DHRSX: variants seen among roughly 807,000 people sequenced by gnomAD.
The protein encoded by DHRSX is polyprenol dehydrogenase.
DHRSX carries 31 observed loss-of-function variants against 34.0 expected under a neutral mutation model. The observed-to-expected ratio is 0.91, with a 90% CI of 0.69 to 1.23. DHRSX has a LOEUF of 1.23. Ranked by LOEUF, DHRSX falls within the 50% of genes most tolerant of loss-of-function variation. The probability of loss-of-function intolerance (pLI) is 0.00; values close to 1 mark genes in which losing one functional copy is unlikely to be tolerated. For missense variants in DHRSX, 414 were observed against 428.1 expected (o/e 0.97, Z 0.29); for synonymous variants, 201 against 183.8 (o/e 1.09, Z -0.76).
At chrX:2,339,176 G>C (rs2042609068) in intron 3 of DHRSX, among the ~76,000 whole-genome samples, 2 of 151,802 alleles carry the variant, frequency 1.3e-5, no homozygotes, top group African/African-American at 4.8e-5. Context: ...CGCTCTGTCA[G>C]CCAGGCTGGA....
chrX:2,246,750 A>AAGAAAG (rs1204935283), intron 5 of DHRSX, among the ~76,000 whole-genome samples: 11 of 108,362 alleles, frequency 1.0e-4, no homozygotes, highest in Admixed American at 2.9e-4. Flanking sequence ...GAAAGAAAGA[A>AAGAAAG]AAAGAAAGAA....
Position 2,371,148 on chromosome X carries a change from C to T in DHRSX, c.286+37597G>A, listed in dbSNP as rs772798123. On this transcript the variant is annotated intron_variant, in intron 3 of 6. Coordinates refer to ENST00000334651, the MANE Select transcript of DHRSX (RefSeq NM_145177.3). ...CTCCCCGCCATTACCATAGTCCCCC[C>T]TCCTCCATTACCGTAGTCCCTCCTT... Among the ~76,000 whole-genome samples, 27 of 151,924 alleles carry T rather than the reference C, an allele frequency of 1.8e-4. No individual in the cohort carries two copies. In the South Asian group the frequency reaches 1.9e-3, roughly 11 times the overall value.
At position 2,478,236 on chromosome X, in the gene DHRSX, G is replaced by A. The variant is rs189272381; in HGVS notation, c.109+22581C>T. 1.4e-4 allele frequency among the ~76,000 whole-genome samples: 22 copies of A among 152,322 alleles called. 1 individual carries two copies. Among genetic ancestry groups the A allele is most frequent in the African/African-American group, 5.3e-4 (22 of 41,580 alleles). Reference sequence around the variant, plus strand: ...TGTCTGGGATGGCGAGGTGCAGAGAGGAGCAGGCTGGCTGCGTCTCTCACT... The same window carrying A: ...TGTCTGGGATGGCGAGGTGCAGAGAAGAGCAGGCTGGCTGCGTCTCTCACT... On this transcript the variant is annotated intron_variant, in intron 1 of 6. Transcript: ENST00000334651.
chrX:2,425,555 C>T (rs1222095723), intron 1 of DHRSX, among the ~76,000 whole-genome samples: 1 of 152,158 alleles, frequency 6.6e-6, no homozygotes, highest in African/African-American at 2.4e-5. Context: ...CCCTGGCAGG[C>T]TCTGCAATAT....
chrX:2,307,800 AAAT>A (rs2042117872), intron 3 of DHRSX, among the ~76,000 whole-genome samples: 3 of 146,532 alleles, frequency 2.0e-5, no homozygotes, highest in South Asian at 2.1e-4. Context: ...AAAAAAAATA[AAAT>A]AAAAAACAAG....
At chrX:2,240,429 C>T (rs1165484200) in intron 6 of DHRSX, among the ~76,000 whole-genome samples, 8 of 151,874 alleles carry the variant, frequency 5.3e-5, no homozygotes, top group African/African-American at 1.7e-4. Context: ...ACATTGGGGG[C>T]GGGCAGCTCA....
intron 3 of DHRSX, among the ~76,000 whole-genome samples, chrX:2,369,668 A>G (rs1603016803): frequency 6.6e-6 from 1 of 151,972 alleles, no homozygotes; most frequent in East Asian, 1.9e-4. Context: ...AGCCGGGGCT[A>G]ATTTTTTCTA....
intron 2 of DHRSX, among the ~76,000 whole-genome samples, chrX:2,422,451 C>T (rs1401504776): frequency 2.6e-5 from 4 of 151,762 alleles, no homozygotes; most frequent in Admixed American, 1.3e-4. Context: ...TTAGTAGAGA[C>T]GGGGTTTCAC....
At chrX:2,488,189 T>TTTTTTC (rs1208221264) in intron 1 of DHRSX, 1 of 159,792 alleles carries the variant, frequency 6.3e-6, no homozygotes, top group Non-Finnish European at 1.4e-5. Context: ...TTGTGTCTTC[T>TTTTTTC]TTTTTCTTTT....
chrX:2,420,433 T>A lies in DHRSX; in HGVS notation c.217+4764A>T, dbSNP rs183997058. ...CAAAAAATAATAATAATAATAATAA[T>A]AAAATAATAAAATAAAATAAAGAGA... is the stretch of plus-strand genomic sequence containing the variant. On this transcript the variant is annotated intron_variant, in intron 2 of 6. Transcript: ENST00000334651. 7.8e-4 allele frequency among the ~76,000 whole-genome samples: 107 copies of A among 137,050 alleles called. No homozygotes were observed. In the East Asian group the frequency reaches 0.02, roughly 26 times the overall value. The allele number at this position is 137,050 out of a possible 152,430, so 89.9% of individuals were successfully genotyped here. A position where few individuals can be genotyped will look rare whatever the true frequency, so the allele number is the denominator to read the frequency against.
At chrX:2,481,504 A>G (rs1366766447) in intron 1 of DHRSX, among the ~76,000 whole-genome samples, 1 of 151,944 alleles carries the variant, frequency 6.6e-6, no homozygotes, top group Admixed American at 6.6e-5. Context: ...CGTCTCTACG[A>G]AAAATATAAA....
intron 3 of DHRSX, among the ~76,000 whole-genome samples, chrX:2,365,795 C>T (rs1299926277): frequency 2.6e-5 from 4 of 151,828 alleles, no homozygotes; most frequent in Admixed American, 6.6e-5. Flanking sequence ...CGGGGCCTGT[C>T]GGGAGGTGGG....
chrX:2,396,827 C>T (rs1314052655), intron 3 of DHRSX, among the ~76,000 whole-genome samples: 2 of 149,840 alleles, frequency 1.3e-5, no homozygotes, highest in African/African-American at 2.5e-5. Context: ...CGCAATACCA[C>T]GATCTCGGCT....
chrX:2,465,342 A>T (rs1014101352), intron 1 of DHRSX, among the ~76,000 whole-genome samples: 10 of 152,138 alleles, frequency 6.6e-5, no homozygotes, highest in African/African-American at 2.2e-4. Context: ...ACATAACAGG[A>T]TCTAATCGCT....
chrX:2,456,295 C>T (rs143396292), intron 1 of DHRSX, among the ~76,000 whole-genome samples: 1 of 152,054 alleles, frequency 6.6e-6, no homozygotes. Flanking sequence ...AGTTTATCTG[C>T]GAGTTTGTAA....
At chrX:2,251,473 CCTTTGCCTCT>C (rs1213659042) in intron 5 of DHRSX, among the ~76,000 whole-genome samples, 1 of 152,146 alleles carries the variant, frequency 6.6e-6, no homozygotes, top group Non-Finnish European at 1.5e-5. Context: ...TTCTCCTCTG[CCTTTGCCTCT>C]TTTAAATAGT....
intron 3 of DHRSX, among the ~76,000 whole-genome samples, chrX:2,392,900 TATTA>T (rs2043352459): frequency 7.9e-6 from 1 of 127,046 alleles, no homozygotes; most frequent in African/African-American, 2.7e-5. Flanking sequence ...GTGCATATTA[TATTA>T]TGTTTTATAT....
At chrX:2,298,618 A>ACACACACG (rs1556457322) in intron 3 of DHRSX, among the ~76,000 whole-genome samples, 7 of 135,448 alleles carry the variant, frequency 5.2e-5, no homozygotes, top group African/African-American at 7.6e-5. Flanking sequence ...ACACACACAC[A>ACACACACG]CACACACACA....
At chrX:2,427,835 T>C in intron 1 of DHRSX, among the ~76,000 whole-genome samples, 1 of 152,344 alleles carries the variant, frequency 6.6e-6, no homozygotes, top group Non-Finnish European at 1.5e-5. Flanking sequence ...TGGAATGTTC[T>C]TTATTAAAAT....
Sources: allele counts gnomAD v4.1 joint callset (sites outside exome capture counted in the v4.1 genomes callset), GRCh38; gene constraint gnomAD v4.1.1; transcripts MANE v1.5; gene names NCBI Gene and HGNC (gene_info 2026-07-23, HGNC 2026-07-21).